The following VPS13C variants were observed in gnomAD, a reference collection of about 807,000 sequenced individuals.
VPS13C encodes vacuolar protein sorting 13 homolog C, also known as intermembrane lipid transfer protein VPS13C.
A neutral mutation model predicts 456.8 loss-of-function variants in VPS13C; 358 were observed. The ratio of observed to expected loss-of-function variants is 0.78; its 90% CI spans 0.72 to 0.86. VPS13C has a LOEUF of 0.86. Ranked by LOEUF, VPS13C falls within the 40% of genes least tolerant of loss-of-function variation. The pLI, the probability that VPS13C is intolerant of heterozygous loss-of-function variation, is 0.00. For missense variants in VPS13C, 4,818 were observed against 4,385.4 expected (o/e 1.10, Z -2.79); for synonymous variants, 1,578 against 1,486.7 (o/e 1.06, Z -1.41).
rs911726751 is a variant in VPS13C at position 61,929,639 on chromosome 15, C to T, written c.6148G>A (p.Val2050Ile). 6.8e-6 allele frequency: 11 copies of T among 1,614,004 alleles called. No homozygotes were observed. The highest frequency in any genetic ancestry group is 9.3e-6 in the Non-Finnish European group (11 of 1,180,018). Residue 2050 changes from valine to isoleucine, a missense_variant, in exon 51 of 85, where the codon GTA becomes ATA. By Grantham distance (29) the Val-to-Ile change is conservative (BLOSUM62 3). Coordinates refer to ENST00000644861, the MANE Select transcript of VPS13C (RefSeq NM_020821.3). ...QIDAVLDKLY[V>I]CASVEFLMTV... Reference sequence around the variant, plus strand: ...ATCAGAAATTCCACACTGGCACATACATACAGCTTGTCAAGAACAGCATCA... The same window carrying T: ...ATCAGAAATTCCACACTGGCACATATATACAGCTTGTCAAGAACAGCATCA...
chr15:62,047,120 C>A (rs144529587), intron 1 of VPS13C, among the ~76,000 whole-genome samples: 1 of 151,614 alleles, frequency 6.6e-6, no homozygotes, highest in African/African-American at 2.4e-5. Context: ...CCCCCAGACA[C>A]GTAAGAATAA....
rs989606061 is a variant in VPS13C at position 61,858,922 on chromosome 15, C to A, written c.10953-2513G>T. Among the ~76,000 whole-genome samples the A allele has an allele frequency of 6.6e-6, 1 of 152,214 alleles. No individual in the cohort carries two copies. Among genetic ancestry groups the A allele is most frequent in the African/African-American group, 2.4e-5 (1 of 41,462 alleles). The stretch of plus-strand genomic sequence containing the variant: ...TGGTCTCCTTGCCTCTGGACTGATT[C>A]TCTTCCAGTATAACATCCAAACCGC... On this transcript the variant is annotated intron_variant, in intron 82 of 84. Transcript: ENST00000644861. This position sits in a 1 kb window ranked among gnomAD's most constrained non-coding sequence, Gnocchi z 4.4.
intron 66 of VPS13C, among the ~76,000 whole-genome samples, chr15:61,906,412 C>G (rs2043152982): frequency 6.6e-6 from 1 of 152,192 alleles, no homozygotes; most frequent in South Asian, 2.1e-4. Flanking sequence ...GGATCTCCTT[C>G]TATACACAGA....
chr15:61,904,350 G>A (rs948787263), intron 66 of VPS13C, among the ~76,000 whole-genome samples: 2 of 151,274 alleles, frequency 1.3e-5, no homozygotes, highest in African/African-American at 4.8e-5. Flanking sequence ...GATCTGAAGA[G>A]GCATATCTCA....
chr15:61,970,794 G>T (rs148822266), intron 27 of VPS13C, among the ~76,000 whole-genome samples: 1,682 of 149,694 alleles, frequency 0.011, 12 homozygotes, highest in South Asian at 0.031. Context: ...GAAGGTTGCT[G>T]TCTTGTCTTG....
At chr15:62,028,682 T>G (rs937611010) in intron 5 of VPS13C, among the ~76,000 whole-genome samples, 2 of 152,094 alleles carry the variant, frequency 1.3e-5, no homozygotes, top group Non-Finnish European at 2.9e-5. Flanking sequence ...TAAATATCAA[T>G]TTCGGCTAAC....
At chr15:62,042,649 A>G (rs963938453) in intron 2 of VPS13C, among the ~76,000 whole-genome samples, 1 of 152,168 alleles carries the variant, frequency 6.6e-6, no homozygotes, top group Admixed American at 6.5e-5. Context: ...AGGTGGTCTC[A>G]TGCTCATTTT....
chr15:61,864,771 A>G, intron 81 of VPS13C: 1 of 985,438 alleles, frequency 1.0e-6, no homozygotes, highest in Non-Finnish European at 1.2e-6. Flanking sequence ...TTGTTTCACA[A>G]TTCACTTGTG....
intron 13 of VPS13C, among the ~76,000 whole-genome samples, chr15:62,009,939 GCAC>G (rs1449838514): frequency 1.3e-5 from 2 of 152,164 alleles, no homozygotes; most frequent in East Asian, 3.8e-4. Flanking sequence ...TGTAATCCCA[GCAC>G]TCTGGGAGGC....
chr15:62,049,669 T>C (rs985478583), intron 1 of VPS13C, among the ~76,000 whole-genome samples: 1 of 152,332 alleles, frequency 6.6e-6, no homozygotes, highest in East Asian at 1.9e-4. Context: ...GGGGATGGCA[T>C]TGAAACTATA....
intron 42 of VPS13C, among the ~76,000 whole-genome samples, chr15:61,947,531 T>C (rs1191628188): frequency 6.6e-6 from 1 of 152,014 alleles, no homozygotes; most frequent in Non-Finnish European, 1.5e-5. Context: ...AAAGCAACTA[T>C]AATATTAATA....
At chr15:61,889,067 T>C (rs1896481275) in intron 67 of VPS13C, among the ~76,000 whole-genome samples, 2 of 152,224 alleles carry the variant, frequency 1.3e-5, no homozygotes, top group East Asian at 1.9e-4. Context: ...CCTTTGAAAA[T>C]CTAGATTTCA....
intron 32 of VPS13C, 107 bp downstream of exon 32, chr15:61,963,728 T>A: frequency 1.3e-6 from 1 of 781,786 alleles, no homozygotes; most frequent in Non-Finnish European, 2.1e-6. Flanking sequence ...CTTTTCAGGT[T>A]TCACAGCTTA....
chr15:61,880,351 TAAG>T (rs575354833), intron 73 of VPS13C, among the ~76,000 whole-genome samples: 284 of 152,240 alleles, frequency 1.9e-3, no homozygotes, highest in African/African-American at 6.5e-3. Context: ...TACGCTTAAT[TAAG>T]AAACGCTTTT....
intron 45 of VPS13C, among the ~76,000 whole-genome samples, chr15:61,942,938 T>G (rs1017294820): frequency 6.6e-6 from 1 of 151,986 alleles, no homozygotes; most frequent in Non-Finnish European, 1.5e-5. Flanking sequence ...ACAAAATCAA[T>G]GTACAAAAAT....
chr15:61,990,042 G>C (rs1282487726), intron 18 of VPS13C, among the ~76,000 whole-genome samples: 1 of 152,078 alleles, frequency 6.6e-6, no homozygotes, highest in African/African-American at 2.4e-5. Flanking sequence ...TCAAATAACT[G>C]AATCCCATAC....
At chr15:61,864,785 ATTAG>A in intron 81 of VPS13C, 1 of 985,298 alleles carries the variant, frequency 1.0e-6, no homozygotes, top group Non-Finnish European at 1.2e-6. Context: ...ACTTGTGCGA[ATTAG>A]TTAAAATCTT....
intron 15 of VPS13C, among the ~76,000 whole-genome samples, chr15:62,005,797 G>A (rs2046815323): frequency 6.6e-6 from 1 of 151,796 alleles, no homozygotes; most frequent in African/African-American, 2.4e-5. Context: ...CCAGCTCCCA[G>A]GTTCAAACAA....
chr15:61,877,920 T>C (rs1339878619), intron 74 of VPS13C, among the ~76,000 whole-genome samples: 1 of 152,010 alleles, frequency 6.6e-6, no homozygotes, highest in African/African-American at 2.4e-5. Flanking sequence ...CAATGTTTAA[T>C]ATTAAGATAA....
Sources: gnomAD v4.1 joint callset for allele counts (sites outside exome capture counted in the v4.1 genomes callset) on GRCh38, gnomAD v4.1.1 for gene constraint, Gnocchi (gnomAD v3.1) non-coding constraint, MANE v1.5 for transcripts, NCBI Gene and HGNC (gene_info 2026-07-23, HGNC 2026-07-21) for gene names.